The following PCDHA8 variants were observed in gnomAD, a reference collection of about 807,000 sequenced individuals.
PCDHA8 encodes protocadherin alpha-8.
In PCDHA8, 53 loss-of-function variants were observed where a neutral mutation model predicts 61.8. The observed-to-expected ratio is 0.86, with a 90% CI of 0.69 to 1.08. PCDHA8 has a LOEUF of 1.08. Ranked by LOEUF, PCDHA8 falls within the 50% of genes least tolerant of loss-of-function variation. The probability of loss-of-function intolerance (pLI) is 0.00; values close to 1 mark genes in which losing one functional copy is unlikely to be tolerated. For synonymous variants in PCDHA8, 618 were observed against 556.6 expected (o/e 1.11, Z -1.55); for missense variants, 1,293 against 1,245.0 (o/e 1.04, Z -0.58).
chr5:140,967,487 G>C, intron 1 of PCDHA8: 8 of 1,613,290 alleles, frequency 5.0e-6, no homozygotes, highest in Non-Finnish European at 6.8e-6. Context: ...CTCGGGTACG[G>C]CACAGATCTC....
chr5:140,950,959 T>C (rs969091651), intron 1 of PCDHA8, among the ~76,000 whole-genome samples: 5 of 152,120 alleles, frequency 3.3e-5, no homozygotes, highest in Non-Finnish European at 5.9e-5. Context: ...TCTATTGATC[T>C]ATTTTCAGAT....
chr5:140,897,548 A>G (rs1417180451), intron 1 of PCDHA8, among the ~76,000 whole-genome samples: 6 of 152,098 alleles, frequency 3.9e-5, no homozygotes, highest in Admixed American at 2.6e-4. Context: ...ATAGTCTTCC[A>G]TGGTGTATAT....
chr5:140,870,590 G>T, intron 1 of PCDHA8: 2 of 1,613,564 alleles, frequency 1.2e-6, no homozygotes, highest in Non-Finnish European at 1.7e-6. Flanking sequence ...CTGGTGGAGC[G>T]GCGGTTGGGC....
chr5:140,844,531 T>C (rs1779420037), intron 1 of PCDHA8, among the ~76,000 whole-genome samples: 1 of 149,526 alleles, frequency 6.7e-6, no homozygotes, highest in African/African-American at 2.4e-5. Context: ...ACTCTAATCA[T>C]TCAACCCTTT....
chr5:140,967,021 C>G, intron 1 of PCDHA8: 2 of 1,607,830 alleles, frequency 1.2e-6, no homozygotes, highest in Non-Finnish European at 1.7e-6. Context: ...TGGGTGCGCC[C>G]AGTCCGCGCT....
chr5:140,847,627 T>G (rs886255064), intron 1 of PCDHA8: 2 of 149,354 alleles, frequency 1.3e-5, no homozygotes, highest in Non-Finnish European at 3.0e-5. Flanking sequence ...CAAACTATAT[T>G]GGAGACTACA....
intron 1 of PCDHA8, among the ~76,000 whole-genome samples, chr5:140,844,589 T>C (rs1779449903): frequency 1.3e-5 from 2 of 149,642 alleles, no homozygotes; most frequent in East Asian, 3.9e-4. Flanking sequence ...TAAAGTGATA[T>C]TTAATATATG....
chr5:140,978,820 T>C (rs2096824926), intron 1 of PCDHA8, 129 bp from the exon 2 acceptor site: 1 of 1,517,496 alleles, frequency 6.6e-7, no homozygotes, highest in East Asian at 2.4e-5. Context: ...GAGTTACACA[T>C]GAAATGGCTC....
chr5:140,841,454 G>A lies in PCDHA8; in HGVS notation c.133G>A (p.Val45Met). 6.2e-7 allele frequency: 1 copy of A among 1,612,938 alleles called. No homozygotes were observed. Among genetic ancestry groups the A allele is most frequent in the Non-Finnish European group, 8.5e-7 (1 of 1,179,866 alleles). Residue 45 changes from valine to methionine, a missense_variant, in exon 1 of 4, where the codon GTG (valine) becomes ATG (methionine). Physicochemically the swap from Val to Met is conservative, Grantham distance 21 (BLOSUM62 1). Coordinates refer to ENST00000531613, the MANE Select transcript of PCDHA8 (RefSeq NM_018911.3). Reference sequence around the variant, plus strand: ...CGAGGAGGCCAAACACGGCACCTTCGTGGGCCGGATCGCGCAGGACCTGGG... The same window carrying A: ...CGAGGAGGCCAAACACGGCACCTTCATGGGCCGGATCGCGCAGGACCTGGG... ...VPEEAKHGTF[V>M]GRIAQDLGLE...
At chr5:140,918,232 A>G (rs2078581718) in intron 1 of PCDHA8, among the ~76,000 whole-genome samples, 1 of 152,166 alleles carries the variant, frequency 6.6e-6, no homozygotes, top group African/African-American at 2.4e-5. Flanking sequence ...ATTTTTGTAC[A>G]TTGATTTTGT....
chr5:140,953,444 G>C (rs2094887278), intron 1 of PCDHA8, among the ~76,000 whole-genome samples: 1 of 152,088 alleles, frequency 6.6e-6, no homozygotes, highest in South Asian at 2.1e-4. Context: ...GGAGAAACTA[G>C]GGATTATCTG....
intron 1 of PCDHA8, chr5:140,926,797 T>G: frequency 2.1e-6 from 3 of 1,450,476 alleles, no homozygotes; most frequent in Non-Finnish European, 1.8e-6. Flanking sequence ...AGGAGCGTGC[T>G]CTTCCCCGCG....
chr5:140,997,606 A>G (rs1554255929), intron 3 of PCDHA8, among the ~76,000 whole-genome samples: 1 of 152,090 alleles, frequency 6.6e-6, no homozygotes, highest in Non-Finnish European at 1.5e-5. Context: ...TATGGGGCGC[A>G]TGACTATATA....
intron 3 of PCDHA8, among the ~76,000 whole-genome samples, chr5:141,003,622 A>G (rs1554259173): frequency 6.6e-6 from 1 of 152,196 alleles, no homozygotes; most frequent in Non-Finnish European, 1.5e-5. Context: ...CCCAGAGGGC[A>G]GTTTTTAAAG....
In PCDHA8 at chr5:140,902,128, A is replaced by G. The variant is rs140093707; in HGVS notation, c.2394+58413A>G. 5.8e-3 allele frequency among the ~76,000 whole-genome samples: 872 copies of G among 150,980 alleles called. 10 individuals carry two copies. The highest frequency in any genetic ancestry group is 0.019 in the African/African-American group (793 of 41,220). ...ATTTTTTTAAAACTGAGATTATATCATCTGCAAACAAGGATAATTTGATTT... is the reference window on the plus strand; with the variant it reads ...ATTTTTTTAAAACTGAGATTATATCGTCTGCAAACAAGGATAATTTGATTT... On this transcript the variant is annotated intron_variant, in intron 1 of 3. Coordinates refer to ENST00000531613, the MANE Select transcript of PCDHA8 (RefSeq NM_018911.3).
intron 1 of PCDHA8, chr5:140,856,754 G>T: frequency 6.3e-7 from 1 of 1,596,774 alleles, no homozygotes; most frequent in Non-Finnish European, 8.6e-7. Context: ...AGATGCCAAT[G>T]ATAACGCCCC....
chr5:140,890,190 A>C (rs1213958471), intron 1 of PCDHA8, among the ~76,000 whole-genome samples: 3 of 152,084 alleles, frequency 2.0e-5, no homozygotes, highest in Middle Eastern at 3.2e-3. Flanking sequence ...TACAAAACAG[A>C]GTTTTTTGTT....
intron 1 of PCDHA8, chr5:140,877,371 G>T: frequency 6.2e-7 from 1 of 1,613,994 alleles, no homozygotes; most frequent in Non-Finnish European, 8.5e-7. Flanking sequence ...AGATCAGCAC[G>T]ACACGCATCC....
At position 140,856,616 on chromosome 5, in the gene PCDHA8, T is replaced by G. The variant is rs1554148924; in HGVS notation, c.2394+12901T>G. ...TATAAACAAAAAAGACAAAGACAAA[T>G]TCCCAGTGCTTGTTCTGCGGAAGCT... is the stretch of plus-strand genomic sequence containing the variant. On this transcript the variant is annotated intron_variant, in intron 1 of 3. Coordinates refer to ENST00000531613, the MANE Select transcript of PCDHA8 (RefSeq NM_018911.3). The G allele has an allele frequency of 2.5e-6, 4 of 1,597,862 alleles. 1 individual carries two copies. Among genetic ancestry groups the G allele is most frequent in the Non-Finnish European group, 3.4e-6 (4 of 1,167,486 alleles).
Sources: gnomAD v4.1 joint callset for allele counts (sites outside exome capture counted in the v4.1 genomes callset) on GRCh38, gnomAD v4.1.1 for gene constraint, MANE v1.5 for transcripts, NCBI Gene and HGNC (gene_info 2026-07-23, HGNC 2026-07-21) for gene names.